The following C1orf159 variants were observed in gnomAD, a reference collection of about 807,000 sequenced individuals.
C1orf159 encodes the protein chromosome 1 open reading frame 159, also known as uncharacterized protein C1orf159.
Under a neutral mutation model 25.6 loss-of-function variants are expected in C1orf159, and 19 were observed. The observed-to-expected ratio is 0.74, with a 90% confidence interval of 0.52 to 1.09. C1orf159 has a LOEUF of 1.09. Among genes scored for constraint, C1orf159 ranks in the 50% least tolerant of loss-of-function variants. The probability of loss-of-function intolerance (pLI) is 0.00; values close to 1 mark genes in which losing one functional copy is unlikely to be tolerated. For missense variants in C1orf159, 274 were observed against 290.6 expected, an observed-to-expected ratio of 0.94 and a Z score of 0.42; for synonymous variants, 139 against 124.7, an observed-to-expected ratio of 1.12 and a Z score of -0.77.
rs755730424 is a variant in C1orf159, at chr1:1,091,490, G to A, written c.54C>T (p.Ser18=). The change falls in exon 3 of 10, where the codon AGC becomes AGT. Residue 18 remains serine, a synonymous_variant. Coordinates refer to ENST00000421241, the MANE Select transcript of C1orf159 (RefSeq NM_017891.5). ...CACCTACCGTGTTCTCCATGGACTT[G>A]CTGGCGACTCCCACGAGAAGGCCAG... is the stretch of plus-strand genomic sequence containing the variant. ...LLAGLLVGVA[S]KSMENTAQLP... is the part of the protein sequence containing the mutation. The A allele has an allele frequency of 5.8e-6, 9 of 1,550,268 alleles. No individual in the cohort carries two copies. In the African/African-American group the frequency reaches 8.2e-5, roughly 14 times the overall value.
At chr1:1,091,411 C>T (rs760935220) in intron 3 of C1orf159, 61 bp downstream of exon 3, 1 of 1,438,982 alleles carries the variant, frequency 6.9e-7, no homozygotes, top group Non-Finnish European at 9.5e-7. Context: ...AGGGGAAGGG[C>T]CCACCGCCCT....
At chr1:1,112,477 G>A (rs941988157) in intron 1 of C1orf159, among the ~76,000 whole-genome samples, 7 of 148,730 alleles carry the variant, frequency 4.7e-5, no homozygotes, top group East Asian at 2.0e-4. Context: ...GTGAACACAC[G>A]GCACATGCTA....
intron 1 of C1orf159, among the ~76,000 whole-genome samples, chr1:1,111,341 AAC>A (rs1436821098): frequency 1.3e-5 from 2 of 150,100 alleles, no homozygotes; most frequent in South Asian, 2.1e-4. Context: ...CAGCCCGGAC[AAC>A]AGAGTGAGAT....
At position 1,099,611 on chromosome 1, in the gene C1orf159, T is replaced by G. The variant is rs550920534; in HGVS notation, c.-135-7508A>C. 2.6e-5 allele frequency among the ~76,000 whole-genome samples: 4 copies of G among 152,250 alleles called. No homozygotes were observed. The South Asian group carries it at 8.3e-4, about 32-fold the overall frequency. On this transcript the variant is annotated intron_variant, in intron 1 of 9. Transcript: ENST00000421241. ...GGGTTGTCTATTGATGTTTTTGGTC[T>G]ATTGTTCTAAGAATTGGAGAGAGAG...
In C1orf159 at chr1:1,091,478, C is replaced by T; in HGVS notation, c.66G>A (p.Glu22=). ...ACGTGAGGGGGGCACCTACCGTGTT[C>T]TCCATGGACTTGCTGGCGACTCCCA... is the stretch of plus-strand genomic sequence containing the variant. ...LLVGVASKSM[E]NTAQLPECCV... is the part of the protein sequence containing the mutation. Residue 22 remains glutamate, a synonymous_variant, in exon 3 of 10, where the codon GAG becomes GAA. Coordinates refer to ENST00000421241, the MANE Select transcript of C1orf159 (RefSeq NM_017891.5). 1 of 1,550,398 alleles carries T rather than the reference C, an allele frequency of 6.4e-7. No homozygotes were observed. The highest frequency in any genetic ancestry group is 2.4e-5 in the East Asian group (1 of 40,900).
chr1:1,089,659 C>T lies in C1orf159; in HGVS notation c.148+694G>A, dbSNP rs1266927315. Among the ~76,000 whole-genome samples, 1 of 152,186 alleles carries T rather than the reference C, an allele frequency of 6.6e-6. No individual in the cohort carries two copies. Among genetic ancestry groups the T allele is most frequent in the Non-Finnish European group, 1.5e-5 (1 of 68,022 alleles). ...TCTGGGTTCTTCCATCATGGGAGGGCTGGACCCCCAGGATGGGAGTGCCAA... is the reference window on the plus strand; with the variant it reads ...TCTGGGTTCTTCCATCATGGGAGGGTTGGACCCCCAGGATGGGAGTGCCAA... On this transcript the variant is annotated intron_variant, in intron 4 of 9. Transcript: ENST00000421241. This position sits in a 1 kb window ranked among gnomAD's most constrained non-coding sequence, Gnocchi z 7.5.
chr1:1,099,794 T>C (rs1646073327), intron 1 of C1orf159, among the ~76,000 whole-genome samples: 1 of 152,164 alleles, frequency 6.6e-6, no homozygotes, highest in Non-Finnish European at 1.5e-5. Flanking sequence ...GAGAGAGAGG[T>C]TAAAATCTCC....
intron 1 of C1orf159, among the ~76,000 whole-genome samples, chr1:1,111,964 G>A (rs765314772): frequency 2.0e-5 from 3 of 152,250 alleles, no homozygotes; most frequent in Non-Finnish European, 4.4e-5. Context: ...GTGTAAAGGA[G>A]ACATCCCCCT....
chr1:1,083,719 G>A (rs1645780926), intron 9 of C1orf159: 3 of 608,852 alleles, frequency 4.9e-6, no homozygotes, highest in Admixed American at 3.1e-5. Context: ...AGACAGGGCT[G>A]CTTTAGGGAC....
intron 1 of C1orf159, chr1:1,105,881 A>C (rs543949496): frequency 2.0e-5 from 3 of 152,230 alleles, no homozygotes; most frequent in Non-Finnish European, 2.9e-5. Flanking sequence ...TCTCAAAAAC[A>C]AACAAATAAA....
At position 1,085,846 on chromosome 1, in the gene C1orf159, TC is replaced by T. The variant is rs757796673; in HGVS notation, c.445+31del. On this transcript the variant is annotated intron_variant, in intron 7 of 9. Transcript: ENST00000421241. The stretch of plus-strand genomic sequence containing the variant: ...GCTGGATGCCGCCTGCCCTGTGCCC[TC>T]CCGTGGGGCAGGTGCTGGTCCGGGA... The T allele has an allele frequency of 9.9e-6, 16 of 1,611,212 alleles. No individual in the cohort carries two copies. In the Admixed American group the frequency reaches 2.0e-4, roughly 20 times the overall value.
intron 1 of C1orf159, among the ~76,000 whole-genome samples, chr1:1,097,703 G>C (rs750549507): frequency 6.6e-6 from 1 of 151,408 alleles, no homozygotes; most frequent in African/African-American, 2.4e-5. Context: ...GATTACAGGC[G>C]TGAACCACCC....
At position 1,110,310 on chromosome 1, in the gene C1orf159, C is replaced by T. The variant is rs925467166; in HGVS notation, c.-136+5750G>A. Among the ~76,000 whole-genome samples, 1 of 152,086 alleles carries T rather than the reference C, an allele frequency of 6.6e-6. No individual in the cohort carries two copies. Reference sequence around the variant, plus strand: ...GGGTCCCCTTGACCAAGAGGGAGCTCGTTCAGTCGGCGGGGGACTTAGGAT... The same window carrying T: ...GGGTCCCCTTGACCAAGAGGGAGCTTGTTCAGTCGGCGGGGGACTTAGGAT... On this transcript the variant is annotated intron_variant, in intron 1 of 9. Coordinates refer to ENST00000421241, the MANE Select transcript of C1orf159 (RefSeq NM_017891.5). The surrounding 1 kb of genome is among the most constrained non-coding windows in gnomAD (Gnocchi z 4.8).
At chr1:1,109,390 A>G (rs1646227875) in intron 1 of C1orf159, among the ~76,000 whole-genome samples, 2 of 152,076 alleles carry the variant, frequency 1.3e-5, no homozygotes, top group African/African-American at 4.8e-5. Flanking sequence ...AGGAATGGGG[A>G]GTTAGTGTTT....
At position 1,105,767 on chromosome 1, in the gene C1orf159, G is replaced by A. The variant is rs571253518; in HGVS notation, c.-136+10293C>T. ...CGGGCGCCTGTAGTCCCAGCTACTCGGGAGGCTGAGGCAGGAGAATAGCAT... is the reference window on the plus strand; with the variant it reads ...CGGGCGCCTGTAGTCCCAGCTACTCAGGAGGCTGAGGCAGGAGAATAGCAT... On this transcript the variant is annotated intron_variant, in intron 1 of 9. Coordinates refer to ENST00000421241, the MANE Select transcript of C1orf159 (RefSeq NM_017891.5). 9.2e-5 allele frequency among the ~76,000 whole-genome samples: 14 copies of A among 152,092 alleles called. 1 individual carries two copies. Among genetic ancestry groups the A allele is most frequent in the Admixed American group, 2.6e-4 (4 of 15,276 alleles).
At chr1:1,091,960 C>G (rs1195173897) in intron 2 of C1orf159, 31 bp downstream of exon 2, 6 of 455,090 alleles carry the variant, frequency 1.3e-5, no homozygotes, top group Non-Finnish European at 2.6e-5. Flanking sequence ...TTTGGAGGCA[C>G]GGGTGGGGCG....
intron 7 of C1orf159, 40 bp from the exon 8 acceptor site, chr1:1,084,546 AGCTGCCTCAACCTCAG>A: frequency 6.5e-7 from 1 of 1,548,748 alleles, no homozygotes; most frequent in African/African-American, 1.4e-5. Flanking sequence ...GGAGCCCAGG[AGCTGCCTCAACCTCAG>A]CCCAGTGCAG....
intron 1 of C1orf159, among the ~76,000 whole-genome samples, chr1:1,108,848 G>A (rs1244755297): frequency 9.7e-6 from 1 of 103,414 alleles, no homozygotes; most frequent in Non-Finnish European, 1.7e-5. Flanking sequence ...CCATGTCTCG[G>A]CACCATCCAC....
At chr1:1,091,304 T>A in intron 3 of C1orf159, 168 bp downstream of exon 3, 1 of 751,382 alleles carries the variant, frequency 1.3e-6, no homozygotes, top group Non-Finnish European at 2.3e-6. Context: ...GGCTCCCCTC[T>A]GCGAGGCACA....
Sources: allele counts gnomAD v4.1 joint callset (sites outside exome capture counted in the v4.1 genomes callset), GRCh38; gene constraint gnomAD v4.1.1; non-coding constraint Gnocchi (gnomAD v3.1); transcripts MANE v1.5; gene names NCBI Gene and HGNC (gene_info 2026-07-23, HGNC 2026-07-21).